The following AUTS2 variants were observed in gnomAD, a reference collection of about 807,000 sequenced individuals.
AUTS2 encodes autism susceptibility gene 2 protein.
Under a neutral mutation model 112.4 loss-of-function variants are expected in AUTS2, and 17 were observed. That is an observed-to-expected ratio of 0.15 (90% CI 0.10 to 0.23). AUTS2 has a LOEUF of 0.23. Among genes scored for constraint, AUTS2 ranks in the 10% least tolerant of loss-of-function variants. The pLI is 1.00. For missense variants in AUTS2, 1,510 were observed against 1,701.6 expected (o/e 0.89, Z 1.98); for synonymous variants, 751 against 702.7 (o/e 1.07, Z -1.09).
intron 4 of AUTS2, among the ~76,000 whole-genome samples, chr7:70,160,925 G>T (rs78543464): frequency 6.6e-6 from 1 of 152,288 alleles, no homozygotes; most frequent in Non-Finnish European, 1.5e-5. Flanking sequence ...GACATTTGTG[G>T]AAGGGAATGA....
chr7:69,666,380 C>T (rs529953365), intron 1 of AUTS2, among the ~76,000 whole-genome samples: 16 of 152,260 alleles, frequency 1.1e-4, no homozygotes, highest in Admixed American at 4.6e-4. Flanking sequence ...TTTAGGTACC[C>T]ATCCTAAGTA....
chr7:70,585,524 T>C (rs1293470214), intron 5 of AUTS2, among the ~76,000 whole-genome samples: 1 of 152,184 alleles, frequency 6.6e-6, no homozygotes, highest in Non-Finnish European at 1.5e-5. Context: ...TGTTGCAACG[T>C]AAGAGGCTTC....
chr7:69,983,034 A>G (rs1347842752), intron 2 of AUTS2, among the ~76,000 whole-genome samples: 1 of 152,218 alleles, frequency 6.6e-6, no homozygotes, highest in Non-Finnish European at 1.5e-5. Flanking sequence ...CTTGGCTATG[A>G]ACATTTACCC....
At chr7:70,349,172 G>T (rs1330228246) in intron 4 of AUTS2, among the ~76,000 whole-genome samples, 1 of 152,060 alleles carries the variant, frequency 6.6e-6, no homozygotes, top group African/African-American at 2.4e-5. Context: ...AGACTTACAG[G>T]CAGTCTGGCT....
At chr7:70,089,224 C>A (rs1206515731) in intron 2 of AUTS2, among the ~76,000 whole-genome samples, 1 of 152,140 alleles carries the variant, frequency 6.6e-6, no homozygotes, top group Non-Finnish European at 1.5e-5. Context: ...CAATTATTAA[C>A]AATGGAGCAT....
chr7:70,255,067 A>T (rs947601168), intron 4 of AUTS2, among the ~76,000 whole-genome samples: 1 of 147,878 alleles, frequency 6.8e-6, no homozygotes, highest in Admixed American at 6.8e-5. Context: ...CTGGACCTCA[A>T]AATTACCTTT....
intron 1 of AUTS2, among the ~76,000 whole-genome samples, chr7:69,618,626 C>G (rs2036543641): frequency 6.6e-6 from 1 of 152,014 alleles, no homozygotes; most frequent in Non-Finnish European, 1.5e-5. Context: ...TTTTGAGGAC[C>G]AGTACACTAT....
At chr7:69,820,436 T>C (rs1790939556) in intron 1 of AUTS2, among the ~76,000 whole-genome samples, 1 of 152,208 alleles carries the variant, frequency 6.6e-6, no homozygotes, top group African/African-American at 2.4e-5. Flanking sequence ...ACTAACAGAA[T>C]TGGAAACCAT....
chr7:70,351,388 A>G (rs1007345924), intron 4 of AUTS2, among the ~76,000 whole-genome samples: 6 of 152,118 alleles, frequency 3.9e-5, no homozygotes, highest in Non-Finnish European at 7.4e-5. Context: ...GTATATGTGT[A>G]CACACACACT....
At chr7:70,116,010 G>A (rs1188312852) in intron 2 of AUTS2, among the ~76,000 whole-genome samples, 1 of 152,122 alleles carries the variant, frequency 6.6e-6, no homozygotes, top group Non-Finnish European at 1.5e-5. Flanking sequence ...ACAAGGCGAT[G>A]TTCATTGTAG....
At chr7:70,684,440 G>A (rs1808355985) in intron 5 of AUTS2, among the ~76,000 whole-genome samples, 2 of 152,178 alleles carry the variant, frequency 1.3e-5, no homozygotes, top group African/African-American at 4.8e-5. Flanking sequence ...ACAGCAGAAT[G>A]ATTTTGTCTT....
chr7:69,965,268 C>G (rs2129547379), intron 2 of AUTS2, among the ~76,000 whole-genome samples: 1 of 152,198 alleles, frequency 6.6e-6, no homozygotes, highest in South Asian at 2.1e-4. Context: ...GTGCTAAGAA[C>G]TTTACATGCA....
chr7:70,308,156 C>G (rs1789571327), intron 4 of AUTS2, among the ~76,000 whole-genome samples: 1 of 152,162 alleles, frequency 6.6e-6, no homozygotes, highest in Admixed American at 6.5e-5. Flanking sequence ...AGGGCCAGGC[C>G]AGAGCCCTCG....
At chr7:69,612,172 A>T (rs1431890935) in intron 1 of AUTS2, among the ~76,000 whole-genome samples, 1 of 152,238 alleles carries the variant, frequency 6.6e-6, no homozygotes, top group East Asian at 1.9e-4. Flanking sequence ...CTGAGAAATG[A>T]TTAGGTCTGA....
intron 1 of AUTS2, among the ~76,000 whole-genome samples, chr7:69,720,549 A>G (rs1301729208): frequency 6.6e-6 from 1 of 152,200 alleles, no homozygotes; most frequent in Non-Finnish European, 1.5e-5. Context: ...TCCTTTTATA[A>G]CCACAGTCAT....
At chr7:69,790,982 C>A (rs1172129898) in intron 1 of AUTS2, among the ~76,000 whole-genome samples, 1 of 152,238 alleles carries the variant, frequency 6.6e-6, no homozygotes, top group East Asian at 1.9e-4. Flanking sequence ...TTCTAACTCT[C>A]CAATCGATTT....
At chr7:70,670,631 G>A (rs564104727) in intron 5 of AUTS2, among the ~76,000 whole-genome samples, 41 of 151,542 alleles carry the variant, frequency 2.7e-4, no homozygotes, top group African/African-American at 9.9e-4. Context: ...GGCAGACATA[G>A]TTTATCCTGC....
chr7:69,684,003 C>T (rs1223128949), intron 1 of AUTS2, among the ~76,000 whole-genome samples: 11 of 152,248 alleles, frequency 7.2e-5, no homozygotes, highest in Non-Finnish European at 5.9e-5. Flanking sequence ...TGATTTTCTC[C>T]AGCTATAAAA....
chr7:69,985,849 C>T (rs559710773), intron 2 of AUTS2, among the ~76,000 whole-genome samples: 14 of 152,062 alleles, frequency 9.2e-5, no homozygotes, highest in Admixed American at 4.6e-4. Flanking sequence ...TCGAGCTCCT[C>T]GGTTCAAGTG....
Sources: allele counts gnomAD v4.1 joint callset (sites outside exome capture counted in the v4.1 genomes callset), GRCh38; gene constraint gnomAD v4.1.1; transcripts MANE v1.5; gene names NCBI Gene and HGNC (gene_info 2026-07-23, HGNC 2026-07-21).